TTLL3: variants seen among roughly 807,000 people sequenced by gnomAD.
TTLL3 encodes tubulin tyrosine ligase like 3.
In TTLL3, 63 loss-of-function variants were observed where a neutral mutation model predicts 75.2. The observed-to-expected ratio is 0.84, with a 90% CI of 0.68 to 1.03. TTLL3 has a LOEUF of 1.03. TTLL3 is among the 50% of genes least tolerant of loss of function. The pLI is 0.00. For missense variants in TTLL3, 997 were observed against 1,069.9 expected, an observed-to-expected ratio of 0.93 and a Z score of 0.95; for synonymous variants, 393 against 418.5, an observed-to-expected ratio of 0.94 and a Z score of 0.74.
rs2079268700 is a variant in TTLL3, at chr3:9,810,697, G to A, written c.36G>A (p.Glu12=). The change falls in exon 2 of 14, where the codon GAG becomes GAA. Residue 12 remains glutamate (E), a synonymous_variant. Coordinates refer to ENST00000685419, the MANE Select transcript of TTLL3 (RefSeq NM_001387446.1). The surrounding 1 kb of genome is among the most constrained non-coding windows in gnomAD (Gnocchi z 4.4). ...NRLRNAKIYV[E]RAVKQKKIFT... The stretch of plus-strand genomic sequence containing the variant: ...TCAGAAACGCCAAAATCTACGTGGA[G>A]AGAGCTGTCAAGGTCAGAGGAGGGG... The A allele has an allele frequency of 6.3e-7, 1 of 1,587,370 alleles. No homozygotes were observed. The highest frequency in any genetic ancestry group is 2.3e-5 in the East Asian group (1 of 44,094).
upstream of TTLL3, chr3:9,809,972 A>AGGGGCCCTGGGAGGGCGGGCGCGGGATCC (rs1559733224): frequency 7.7e-7 from 1 of 1,298,276 alleles, no homozygotes; most frequent in South Asian, 2.4e-5. Flanking sequence ...GCGCGGGATC[A>AGGGGCCCTGGGAGGGCGGGCGCGGGATCC]GGGGCCCTGG....
At chr3:9,815,763 G>A (rs748271210) in intron 4 of TTLL3, among the ~76,000 whole-genome samples, 2 of 152,222 alleles carry the variant, frequency 1.3e-5, no homozygotes, top group Non-Finnish European at 2.9e-5. Flanking sequence ...TCCTTCTCAC[G>A]CTGCCACCGC....
intron 13 of TTLL3, 23 bp downstream of exon 13, chr3:9,834,930 C>A: frequency 6.2e-7 from 1 of 1,614,222 alleles, no homozygotes; most frequent in African/African-American, 1.3e-5. Context: ...CTGTGACTCA[C>A]ACCCAGTGGA....
At chr3:9,817,877 G>T in intron 6 of TTLL3, 118 bp downstream of exon 6, 1 of 1,342,626 alleles carries the variant, frequency 7.4e-7, no homozygotes, top group Non-Finnish European at 1.0e-6. Flanking sequence ...TGCCCCAGCA[G>T]ATTTCCCTTT....
intron 11 of TTLL3, among the ~76,000 whole-genome samples, chr3:9,830,565 T>C (rs556878257): frequency 6.6e-6 from 1 of 152,306 alleles, no homozygotes; most frequent in South Asian, 2.1e-4. Context: ...CTTAAATTAA[T>C]ATATTGGCGT....
intron 8 of TTLL3, among the ~76,000 whole-genome samples, chr3:9,824,350 T>A (rs1308244001): frequency 2.6e-5 from 4 of 152,248 alleles, no homozygotes; most frequent in Non-Finnish European, 5.9e-5. Context: ...GAATCCTGGC[T>A]GAACCACTCA....
intron 9 of TTLL3, 41 bp from the exon 10 acceptor site, chr3:9,826,956 C>CG (rs1356754975): frequency 2.5e-6 from 4 of 1,612,638 alleles, no homozygotes; most frequent in Non-Finnish European, 3.4e-6. Context: ...TCCTGGCCCA[C>CG]GCCTGACCTT....
At chr3:9,821,258 G>A (rs1559740770) in intron 8 of TTLL3, among the ~76,000 whole-genome samples, 1 of 152,200 alleles carries the variant, frequency 6.6e-6, no homozygotes, top group Non-Finnish European at 1.5e-5. Flanking sequence ...TCTTAGGTGG[G>A]GAAAGGGAGG....
In TTLL3 at chr3:9,835,683, C is replaced by A; in HGVS notation, c.*194C>A. The A allele has an allele frequency of 1.8e-6, 1 of 568,638 alleles. No homozygotes were observed. The highest frequency in any genetic ancestry group is 3.0e-6 in the Non-Finnish European group (1 of 336,236). The allele number at this position is 568,638 out of a possible 1,614,324, so 35.2% of individuals were successfully genotyped here. On this transcript the variant is annotated 3_prime_UTR_variant, in exon 14 of 14. Transcript: ENST00000685419. ...CCAAGATCACGTGGCAGTGAGTCGA[C>A]GCAGGGACATATTGCCAGAACTGCC... is the stretch of plus-strand genomic sequence containing the variant.
chr3:9,826,915 G>A, intron 9 of TTLL3, 82 bp from the exon 10 acceptor site: 1 of 1,588,668 alleles, frequency 6.3e-7, no homozygotes, highest in Non-Finnish European at 8.6e-7. Flanking sequence ...CAGCTCCGAG[G>A]GGACAAGAGC....
At chr3:9,810,167 G>A, upstream of TTLL3, 2 of 1,471,052 alleles carry the variant, frequency 1.4e-6, no homozygotes, top group East Asian at 3.0e-5. This position sits in a 1 kb window ranked among gnomAD's most constrained non-coding sequence, Gnocchi z 4.4. Flanking sequence ...TCGGCGCGCC[G>A]CTCCGAGTTC....
chr3:9,822,510 T>C (rs1486393009), intron 8 of TTLL3, among the ~76,000 whole-genome samples: 1 of 151,674 alleles, frequency 6.6e-6, no homozygotes, highest in African/African-American at 2.4e-5. Context: ...CCAGCATTCA[T>C]TCATTCCCTC....
At position 9,810,267 on chromosome 3, in the gene TTLL3, C is replaced by A; in HGVS notation, c.-169C>A. 2 of 1,506,712 alleles carry A rather than the reference C, an allele frequency of 1.3e-6. No individual in the cohort carries two copies. The highest frequency in any genetic ancestry group is 1.2e-5 in the South Asian group (1 of 81,238). The allele number at this position is 1,506,712 out of a possible 1,614,324, so 93.3% of individuals were successfully genotyped here. A position where few individuals can be genotyped will look rare whatever the true frequency, so the allele number is the denominator to read the frequency against. On this transcript the variant is annotated 5_prime_UTR_variant, in exon 1 of 14. Coordinates refer to ENST00000685419, the MANE Select transcript of TTLL3 (RefSeq NM_001387446.1). This position sits in a 1 kb window ranked among gnomAD's most constrained non-coding sequence, Gnocchi z 4.4. ...GCGGCAGATGCCAGGCGGGCAGCCC[C>A]GCCCCTGCGCGCCGCCTCAGCGGCG...
intron 4 of TTLL3, among the ~76,000 whole-genome samples, chr3:9,814,109 G>A (rs971412304): frequency 1.3e-5 from 2 of 151,932 alleles, no homozygotes; most frequent in African/African-American, 2.4e-5. Flanking sequence ...AGACCAGCCT[G>A]GCCAACGTGG....
At chr3:9,823,414 T>G (rs1433715852) in intron 8 of TTLL3, among the ~76,000 whole-genome samples, 5 of 151,162 alleles carry the variant, frequency 3.3e-5, no homozygotes, top group Admixed American at 3.3e-4. Context: ...TTTTTTTTTT[T>G]TTTTTTTTTA....
intron 11 of TTLL3, among the ~76,000 whole-genome samples, chr3:9,831,504 C>T (rs2081528024): frequency 6.6e-6 from 1 of 152,198 alleles, no homozygotes; most frequent in South Asian, 2.1e-4. Flanking sequence ...CTGTGGGTTA[C>T]AGTGGTGGCT....
chr3:9,817,841 G>C, intron 6 of TTLL3, 82 bp downstream of exon 6: 1 of 1,572,558 alleles, frequency 6.4e-7, no homozygotes. Flanking sequence ...GAGAGAAACA[G>C]GCCTCTCTTC....
In TTLL3 at chr3:9,835,488, G is replaced by C. The variant is rs879640530; in HGVS notation, c.2447G>C (p.Ter816SerextTer16). 1.1e-5 allele frequency: 17 copies of C among 1,583,334 alleles called. No homozygotes were observed. The highest frequency in any genetic ancestry group is 9.4e-6 in the Non-Finnish European group (11 of 1,166,530). ...PCTPGSTARA[*>S] ...ACCCCAGGGTCCACAGCAAGAGCCT[G>C]AGGCCATCAGCAGCTCCTCCGTGCA... The change falls in exon 14 of 14, where the codon TGA (stop) becomes TCA (serine). Residue 816 changes from the stop codon to serine (S), a stop_lost. Coordinates refer to ENST00000685419, the MANE Select transcript of TTLL3 (RefSeq NM_001387446.1).
intron 12 of TTLL3, among the ~76,000 whole-genome samples, chr3:9,833,895 G>GATCA (rs1443629208): frequency 6.6e-6 from 1 of 151,944 alleles, no homozygotes; most frequent in African/African-American, 2.4e-5. Context: ...CAGATCACTT[G>GATCA]AGGTCAGGAG....
Sources: allele counts gnomAD v4.1 joint callset (sites outside exome capture counted in the v4.1 genomes callset), GRCh38; gene constraint gnomAD v4.1.1; non-coding constraint Gnocchi (gnomAD v3.1); transcripts MANE v1.5; gene names NCBI Gene and HGNC (gene_info 2026-07-23, HGNC 2026-07-21).